The following MAST4 variants were observed in gnomAD, a reference collection of about 807,000 sequenced individuals.
The protein encoded by MAST4 is microtubule-associated serine/threonine-protein kinase 4.
A neutral mutation model predicts 162.7 loss-of-function variants in MAST4; 89 were observed. That is an observed-to-expected ratio of 0.55 (90% CI 0.46 to 0.65). The LOEUF (loss-of-function observed/expected upper bound fraction) is 0.65. MAST4 is among the 30% of genes least tolerant of loss of function. The pLI is 0.00. For synonymous variants in MAST4, 1,479 were observed against 1,361.1 expected (o/e 1.09, Z -1.91); for missense variants, 3,153 against 3,374.0 (o/e 0.93, Z 1.62).
intron 3 of MAST4, among the ~76,000 whole-genome samples, chr5:66,878,902 G>A (rs946149848): frequency 6.6e-6 from 1 of 152,160 alleles, no homozygotes; most frequent in African/African-American, 2.4e-5. Context: ...ATGGGCAAAG[G>A]AAACAAATGA....
rs752742962 is a variant in MAST4 at position 66,596,711 on chromosome 5, A to T, written c.56A>T (p.His19Leu). ...CCGGTGCCCCGCGGCTGCAGTGGCC[A>T]CGGCAGCCGGACTCCAGCCTCTGCG... is the stretch of plus-strand genomic sequence containing the variant. ...PEPVPRGCSG[H>L]GSRTPASALV... Residue 19 changes from histidine to leucine, a missense_variant, in exon 1 of 29, where the codon CAC (histidine) becomes CTC (leucine). Coordinates refer to ENST00000403625, the MANE Select transcript of MAST4 (RefSeq NM_001164664.2). 1 of 1,444,136 alleles carries T rather than the reference A, an allele frequency of 6.9e-7. No homozygotes were observed. The highest frequency in any genetic ancestry group is 1.5e-5 in the African/African-American group (1 of 67,844). 89.5% of individuals were successfully genotyped at this position (1,444,136 alleles called of 1,614,324 possible). A position where few individuals can be genotyped will look rare whatever the true frequency, so the allele number is the denominator to read the frequency against.
chr5:66,828,119 C>A (rs1269531040), intron 3 of MAST4, among the ~76,000 whole-genome samples: 1 of 152,122 alleles, frequency 6.6e-6, no homozygotes, highest in Non-Finnish European at 1.5e-5. Context: ...ATCAGCAGAA[C>A]TAAGTTATTA....
intron 4 of MAST4, among the ~76,000 whole-genome samples, chr5:66,916,131 G>A (rs1764102798): frequency 6.6e-6 from 1 of 152,178 alleles, no homozygotes; most frequent in Admixed American, 6.5e-5. Flanking sequence ...GGTATATTGG[G>A]TTAAATGTTA....
intron 1 of MAST4, among the ~76,000 whole-genome samples, chr5:66,619,847 G>C (rs1743958347): frequency 1.3e-5 from 2 of 151,628 alleles, no homozygotes; most frequent in South Asian, 4.1e-4. Flanking sequence ...TGAAACAATA[G>C]ATTTGTAAAT....
At chr5:66,628,876 A>G (rs1485338106) in intron 1 of MAST4, among the ~76,000 whole-genome samples, 2 of 152,196 alleles carry the variant, frequency 1.3e-5, no homozygotes, top group Non-Finnish European at 2.9e-5. Context: ...TAACATAGGA[A>G]ATGTTGAATA....
intron 4 of MAST4, among the ~76,000 whole-genome samples, chr5:66,984,045 C>T (rs1014533533): frequency 2.8e-4 from 42 of 152,236 alleles, no homozygotes; most frequent in African/African-American, 7.2e-4. Context: ...TTTAGGGATA[C>T]GGTGACAGAC....
At chr5:66,704,208 C>T (rs71632582) in intron 1 of MAST4, among the ~76,000 whole-genome samples, 15,611 of 152,104 alleles carry the variant, frequency 0.1, 943 homozygotes, top group Admixed American at 0.16. Context: ...AAGTACACAC[C>T]GTTGGGTTGA....
chr5:67,014,231 A>G (rs932630053), intron 4 of MAST4, among the ~76,000 whole-genome samples: 21 of 152,150 alleles, frequency 1.4e-4, no homozygotes, highest in Non-Finnish European at 7.4e-5. Context: ...TTGCTCAACC[A>G]CTGCAAAGGG....
At chr5:66,618,844 A>T (rs984303153) in intron 1 of MAST4, among the ~76,000 whole-genome samples, 1 of 152,046 alleles carries the variant, frequency 6.6e-6, no homozygotes. Flanking sequence ...GAACTGATGG[A>T]TATTTGAGTA....
At chr5:67,154,807 A>AC (rs1772289323) in intron 26 of MAST4, among the ~76,000 whole-genome samples, 1 of 152,240 alleles carries the variant, frequency 6.6e-6, no homozygotes, top group Admixed American at 6.5e-5. Context: ...AACCAAGAGG[A>AC]TACAAGGGAT....
chr5:66,656,808 A>G (rs1746580153), intron 1 of MAST4, among the ~76,000 whole-genome samples: 1 of 152,214 alleles, frequency 6.6e-6, no homozygotes, highest in Admixed American at 6.5e-5. Flanking sequence ...TGTATTTTAT[A>G]AATTACTAAG....
chr5:66,695,408 G>A (rs1429369223), intron 1 of MAST4, among the ~76,000 whole-genome samples: 3 of 152,086 alleles, frequency 2.0e-5, no homozygotes, highest in Non-Finnish European at 4.4e-5. Context: ...TACCGTTTTG[G>A]TTACTGTTGC....
At chr5:66,976,452 TA>T (rs1391737948) in intron 4 of MAST4, among the ~76,000 whole-genome samples, 1 of 152,200 alleles carries the variant, frequency 6.6e-6, no homozygotes, top group African/African-American at 2.4e-5. Context: ...AGATGAAGAT[TA>T]AAAAGGATTC....
intron 3 of MAST4, among the ~76,000 whole-genome samples, chr5:66,859,107 G>A (rs1005621444): frequency 1.3e-5 from 2 of 152,020 alleles, no homozygotes; most frequent in Non-Finnish European, 1.5e-5. Context: ...AAATAGAATA[G>A]CTTTCTAGTT....
chr5:66,718,346 C>T (rs1472658151), intron 1 of MAST4, among the ~76,000 whole-genome samples: 2 of 151,920 alleles, frequency 1.3e-5, no homozygotes, highest in Non-Finnish European at 2.9e-5. Context: ...GCTCCTTAGA[C>T]ACACGGCTTC....
intron 4 of MAST4, among the ~76,000 whole-genome samples, chr5:66,970,710 A>G (rs185378058): frequency 4.0e-4 from 61 of 152,372 alleles, no homozygotes; most frequent in Admixed American, 4.6e-4. Context: ...GCAGCGGCTT[A>G]GTGTCCAGCA....
intron 8 of MAST4, among the ~76,000 whole-genome samples, chr5:67,102,271 A>C (rs1765113033): frequency 6.6e-6 from 1 of 152,164 alleles, no homozygotes; most frequent in Admixed American, 6.5e-5. Flanking sequence ...ACATTTTCTG[A>C]ACTAGTATTG....
Position 66,899,942 on chromosome 5 carries a change from CT to C in MAST4, c.643-5del. On this transcript the variant is annotated splice_polypyrimidine_tract_variant and splice_region_variant and intron_variant, in intron 3 of 28. Transcript: ENST00000403625. ...CATTGCTTATATATGGTTTTTTTTT[CT>C]TTTGCAGAAGGAGCTGAGTCTCCCC... The C allele has an allele frequency of 1.3e-6, 2 of 1,505,356 alleles. No individual in the cohort carries two copies. The highest frequency in any genetic ancestry group is 1.8e-6 in the Non-Finnish European group (2 of 1,129,704). The allele number at this position is 1,505,356 out of a possible 1,614,324, so 93.2% of individuals were successfully genotyped here. A position where few individuals can be genotyped will look rare whatever the true frequency, so the allele number is the denominator to read the frequency against.
chr5:66,685,920 C>T (rs549156582), intron 1 of MAST4, among the ~76,000 whole-genome samples: 3 of 152,174 alleles, frequency 2.0e-5, no homozygotes, highest in South Asian at 2.1e-4. Context: ...AACTGTTCCA[C>T]CTCAGATCAT....
Sources: gnomAD v4.1 joint callset for allele counts (sites outside exome capture counted in the v4.1 genomes callset) on GRCh38, gnomAD v4.1.1 for gene constraint, MANE v1.5 for transcripts, NCBI Gene and HGNC (gene_info 2026-07-23, HGNC 2026-07-21) for gene names.